The following ORC6 variants were observed in gnomAD, a reference collection of about 807,000 sequenced individuals.
ORC6 encodes the protein origin recognition complex subunit 6, also known as origin recognition complex, subunit 6 homolog-like (yeast).
A neutral mutation model predicts 30.0 loss-of-function variants in ORC6; 31 were observed. The ratio of observed to expected loss-of-function variants is 1.03; its 90% confidence interval spans 0.78 to 1.40. The LOEUF (loss-of-function observed/expected upper bound fraction) is 1.40, where lower values mean the gene tolerates loss of function less well. ORC6 is among the 40% of genes most tolerant of loss of function. ORC6 has a pLI of 0.00. For synonymous variants in ORC6, 136 were observed against 111.2 expected (o/e 1.22, Z -1.40); for missense variants, 340 against 304.3 (o/e 1.12, Z -0.87).
chr16:46,697,729 G>GT lies in ORC6; in HGVS notation c.*144_*145insT. The GT allele has an allele frequency of 2.2e-6, 2 of 915,538 alleles. No homozygotes were observed. Among genetic ancestry groups the GT allele is most frequent in the Non-Finnish European group, 1.8e-6 (1 of 570,346 alleles). 56.7% of individuals were successfully genotyped at this position (915,538 alleles called of 1,614,324 possible). ...TTTAAATAGCAAAGCAGCCTACCTG[G>GT]AGGCTAAGTCTGGGCAGTGGGCTGG... On this transcript the variant is annotated 3_prime_UTR_variant, in exon 7 of 7. Transcript: ENST00000219097.
rs36317 is a variant in ORC6 at position 46,695,359 on chromosome 16, T to C, written c.450-203T>C. 0.99 allele frequency: 570,025 copies of C among 573,056 alleles called. 283,551 individuals are homozygous for C. The highest frequency in any genetic ancestry group is 1 in the East Asian group (33,569 of 33,570). The allele number at this position is 573,056 out of a possible 1,614,324, so 35.5% of individuals were successfully genotyped here. A position where few individuals can be genotyped will look rare whatever the true frequency, so the allele number is the denominator to read the frequency against. On this transcript the variant is annotated intron_variant, in intron 4 of 6. Coordinates refer to ENST00000219097, the MANE Select transcript of ORC6 (RefSeq NM_014321.4). ...TTTATGTGCCCCTTTTGTTATAAAA[T>C]AGATCCCATGTGCATTTTAACTCTC...
intron 1 of ORC6, chr16:46,689,979 C>T: frequency 3.0e-6 from 2 of 660,554 alleles, no homozygotes; most frequent in East Asian, 3.1e-5. Context: ...ACGGCGATGG[C>T]ACACGTCCCT....
At position 46,698,195 on chromosome 16, in the gene ORC6, A is replaced by AGATG; in HGVS notation, c.*613_*614insGGAT. The AGATG allele has an allele frequency of 2.2e-6, 1 of 454,042 alleles. No homozygotes were observed. The highest frequency in any genetic ancestry group is 1.6e-5 in the South Asian group (1 of 64,302). The allele number at this position is 454,042 out of a possible 1,614,324, so 28.1% of individuals were successfully genotyped here. A position where few individuals can be genotyped will look rare whatever the true frequency, so the allele number is the denominator to read the frequency against. On this transcript the variant is annotated 3_prime_UTR_variant, in exon 7 of 7. Transcript: ENST00000219097. ...TAGATAGATAGATGGATAGATAGAT[A>AGATG]GATAGATAGATAGATAGATAAACGG... is the stretch of plus-strand genomic sequence containing the variant.
chr16:46,691,703 C>A (rs747550238), intron 2 of ORC6, among the ~76,000 whole-genome samples: 23 of 152,204 alleles, frequency 1.5e-4, no homozygotes, highest in Non-Finnish European at 3.1e-4. Flanking sequence ...ATCCTGGCCT[C>A]AAGCTGCAGT....
intron 5 of ORC6, 161 bp from the exon 6 acceptor site, chr16:46,695,856 T>C: frequency 1.3e-6 from 1 of 756,916 alleles, no homozygotes; most frequent in South Asian, 1.5e-5. Flanking sequence ...GGAAAATGAT[T>C]CTCAAGTCTG....
In ORC6 at chr16:46,698,183, G is replaced by GGATAGATAGGTAGATA. The variant is rs1966543827; in HGVS notation, c.*607_*608insGTAGATAGATAGATAG. Reference sequence around the variant, plus strand: ...CTTATAGATAGATAGATAGATAGATGGATAGATAGATAGATAGATAGATAG... The same window carrying GGATAGATAGGTAGATA: ...CTTATAGATAGATAGATAGATAGATGGATAGATAGGTAGATAGATAGATAGATAGATAGATAGATAG... On this transcript the variant is annotated 3_prime_UTR_variant, in exon 7 of 7. Coordinates refer to ENST00000219097, the MANE Select transcript of ORC6 (RefSeq NM_014321.4). 1.9e-5 allele frequency: 8 copies of GGATAGATAGGTAGATA among 430,452 alleles called. No individual in the cohort carries two copies. The highest frequency in any genetic ancestry group is 3.7e-5 in the Non-Finnish European group (8 of 214,596). 26.7% of individuals were successfully genotyped at this position (430,452 alleles called of 1,614,324 possible). A position where few individuals can be genotyped will look rare whatever the true frequency, so the allele number is the denominator to read the frequency against.
intron 5 of ORC6, 63 bp downstream of exon 5, chr16:46,695,737 C>A: frequency 9.9e-7 from 1 of 1,005,544 alleles, no homozygotes; most frequent in South Asian, 1.3e-5. Flanking sequence ...TTGTAAAAGT[C>A]AAATATTTTC....
chr16:46,689,898 GT>G, intron 1 of ORC6, 128 bp downstream of exon 1: 2 of 1,339,768 alleles, frequency 1.5e-6, no homozygotes, highest in Non-Finnish European at 1.9e-6. Flanking sequence ...GCCGGGCGGG[GT>G]TTAGGGCCTA....
chr16:46,691,772 T>A (rs140632845), intron 2 of ORC6, among the ~76,000 whole-genome samples: 1 of 152,156 alleles, frequency 6.6e-6, no homozygotes, highest in Non-Finnish European at 1.5e-5. Flanking sequence ...CAATACCTTG[T>A]TTTTTTCCTG....
rs1966532224 is a variant in ORC6, at chr16:46,697,571, G to C, written c.745G>C (p.Ala249Pro). Residue 249 changes from alanine to proline, a missense_variant, in exon 7 of 7, where the codon GCT becomes CCT. Transcript: ENST00000219097. ...ILENAASAQK[A>P]TAE ...GGAAAATGCTGCCAGTGCTCAAAAG[G>C]CTACAGCAGAGTGATTTCAGCTTCC... 3 of 1,613,976 alleles carry C rather than the reference G, an allele frequency of 1.9e-6. No homozygotes were observed.
intron 6 of ORC6, 54 bp from the exon 7 acceptor site, chr16:46,697,404 A>G (rs1234011306): frequency 6.6e-7 from 1 of 1,507,086 alleles, no homozygotes; most frequent in African/African-American, 1.4e-5. Flanking sequence ...CCTTTTTTTA[A>G]ATTTCATTTC....
At chr16:46,694,431 G>A (rs1966492300) in intron 4 of ORC6, 1 of 146,300 alleles carries the variant, frequency 6.8e-6, no homozygotes, top group Admixed American at 6.7e-5. Flanking sequence ...TCCCAGTAGG[G>A]GCGGCCGGGC....
chr16:46,692,583 C>G, intron 3 of ORC6, 38 bp downstream of exon 3: 1 of 1,578,790 alleles, frequency 6.3e-7, no homozygotes, highest in East Asian at 2.2e-5. Context: ...AAATGTATAC[C>G]AATAGGCCGG....
At position 46,689,745 on chromosome 16, in the gene ORC6, G is replaced by C. The variant is rs775832229; in HGVS notation, c.40G>C (p.Gly14Arg). The change falls in exon 1 of 7, where the codon GGC (glycine) becomes CGC (arginine). Residue 14 changes from glycine (G) to arginine (R), a missense_variant. Coordinates refer to ENST00000219097, the MANE Select transcript of ORC6 (RefSeq NM_014321.4). ...GATCGGGCGCCTAGCCCCGCGCCTG[G>C]GCCTCGCCGAGCCCGACATGCTGAG... The part of the protein sequence containing the change: ...ELIGRLAPRL[G>R]LAEPDMLRKA... 1 of 1,600,744 alleles carries C rather than the reference G, an allele frequency of 6.2e-7. No individual in the cohort carries two copies. The highest frequency in any genetic ancestry group is 1.1e-5 in the South Asian group (1 of 89,172).
intron 4 of ORC6, chr16:46,693,417 G>A: frequency 1.8e-6 from 1 of 565,196 alleles, no homozygotes; most frequent in South Asian, 2.1e-5. Context: ...ATATATGCTG[G>A]GAATTCTGAT....
rs765328137 is a variant in ORC6 at position 46,697,659 on chromosome 16, G to T, written c.*74G>T. On this transcript the variant is annotated 3_prime_UTR_variant, in exon 7 of 7. Transcript: ENST00000219097. Reference sequence around the variant, plus strand: ...TCTCCAGGAAGACTTGACGGCTTTGGGATTTTGTTTAAACTTTTATAATAA... The same window carrying T: ...TCTCCAGGAAGACTTGACGGCTTTGTGATTTTGTTTAAACTTTTATAATAA... 1 of 1,494,888 alleles carries T rather than the reference G, an allele frequency of 6.7e-7. No individual in the cohort carries two copies. The allele number at this position is 1,494,888 out of a possible 1,614,324, so 92.6% of individuals were successfully genotyped here.
chr16:46,697,369 A>G (rs1335086348), intron 6 of ORC6, 89 bp from the exon 7 acceptor site: 1 of 1,219,328 alleles, frequency 8.2e-7, no homozygotes, highest in East Asian at 2.5e-5. Flanking sequence ...TATCTTTTCT[A>G]TTTTAGACAA....
intron 1 of ORC6, among the ~76,000 whole-genome samples, chr16:46,690,453 A>G (rs1966421765): frequency 6.6e-6 from 1 of 152,252 alleles, no homozygotes; most frequent in Non-Finnish European, 1.5e-5. Context: ...ACAAACCTGC[A>G]GGACTCGGTA....
chr16:46,693,521 G>A, intron 4 of ORC6: 1 of 360,576 alleles, frequency 2.8e-6, no homozygotes, highest in Non-Finnish European at 5.3e-6. Context: ...TACTGGTTGG[G>A]CCAGGCGTGG....
Sources: allele counts gnomAD v4.1 joint callset (sites outside exome capture counted in the v4.1 genomes callset), GRCh38; gene constraint gnomAD v4.1.1; transcripts MANE v1.5; gene names NCBI Gene and HGNC (gene_info 2026-07-23, HGNC 2026-07-21).